Variants in CLVS1 observed in about 807,000 individuals in gnomAD.
The protein encoded by CLVS1 is clavesin-1.
CLVS1 carries 10 observed loss-of-function variants against 33.1 expected under a neutral mutation model. The observed-to-expected ratio is 0.30, with a 90% CI of 0.19 to 0.51. CLVS1 has a LOEUF of 0.51. Among genes scored for constraint, CLVS1 ranks in the 20% least tolerant of loss-of-function variants. The probability of loss-of-function intolerance (pLI) is 0.97; values close to 1 mark genes in which losing one functional copy is unlikely to be tolerated. For synonymous variants in CLVS1, 163 were observed against 166.1 expected (o/e 0.98, Z 0.14); for missense variants, 343 against 433.4 (o/e 0.79, Z 1.85).
chr8:61,010,255 A>G, the CLVS1 span, among the ~76,000 whole-genome samples: 1 of 152,156 alleles, frequency 6.6e-6, no homozygotes, highest in East Asian at 1.9e-4. Flanking sequence ...TCCTCCCCTG[A>G]GAGAGGCAGA....
chr8:60,981,891 GTGTCAGGC>G, the CLVS1 span, among the ~76,000 whole-genome samples: 1 of 152,244 alleles, frequency 6.6e-6, no homozygotes, highest in Non-Finnish European at 1.5e-5. Context: ...ATTAGATGGG[GTGTCAGGC>G]TGACTGTGAA....
chr8:61,267,642 C>T (rs1809338468), intron 2 of CLVS1, among the ~76,000 whole-genome samples: 1 of 152,142 alleles, frequency 6.6e-6, no homozygotes, highest in African/African-American at 2.4e-5. Flanking sequence ...CTTTCCATAC[C>T]AGTTCAGATT....
At chr8:61,049,486 A>C in the CLVS1 span, among the ~76,000 whole-genome samples, 1 of 152,234 alleles carries the variant, frequency 6.6e-6, no homozygotes, top group Non-Finnish European at 1.5e-5. Flanking sequence ...GAACTTCATC[A>C]ATTTGATTTG....
chr8:61,182,348 A>T (rs1807255263), intron 2 of CLVS1, among the ~76,000 whole-genome samples: 1 of 152,212 alleles, frequency 6.6e-6, no homozygotes, highest in South Asian at 2.1e-4. Context: ...AATTAAACTA[A>T]AGAGCTTCTG....
intron 4 of CLVS1, among the ~76,000 whole-genome samples, chr8:61,454,794 CATCA>C (rs1817088258): frequency 1.3e-5 from 2 of 152,188 alleles, no homozygotes; most frequent in Admixed American, 6.5e-5. Context: ...CAGCTTTTTC[CATCA>C]ATCAGAGTTG....
chr8:61,345,597 T>G (rs1812185831), intron 2 of CLVS1, among the ~76,000 whole-genome samples: 1 of 151,826 alleles, frequency 6.6e-6, no homozygotes, highest in South Asian at 2.1e-4. Flanking sequence ...CTCTTTTCTT[T>G]CTTCCTTGAT....
At chr8:61,247,205 C>T (rs956288255) in intron 2 of CLVS1, among the ~76,000 whole-genome samples, 1 of 152,162 alleles carries the variant, frequency 6.6e-6, no homozygotes, top group Non-Finnish European at 1.5e-5. Flanking sequence ...CATTGATGAG[C>T]ATTTAGGTTG....
chr8:61,159,765 C>T (rs116832919), intron 2 of CLVS1, among the ~76,000 whole-genome samples: 6,513 of 152,208 alleles, frequency 0.043, 277 homozygotes, highest in African/African-American at 0.11. Flanking sequence ...GAATGGCTGC[C>T]GTGACATCTC....
At chr8:61,333,106 T>C (rs1003342653) in intron 2 of CLVS1, among the ~76,000 whole-genome samples, 2 of 152,266 alleles carry the variant, frequency 1.3e-5, no homozygotes, top group Non-Finnish European at 2.9e-5. Context: ...CAAAGTTTTT[T>C]CCACTTCTTT....
intron 2 of CLVS1, among the ~76,000 whole-genome samples, chr8:61,239,498 C>T (rs921946378): frequency 6.6e-6 from 1 of 152,040 alleles, no homozygotes; most frequent in Non-Finnish European, 1.5e-5. Flanking sequence ...TTTGGGAGGC[C>T]GAGCTGGGAG....
chr8:61,239,044 T>C (rs1352071316), intron 2 of CLVS1, among the ~76,000 whole-genome samples: 4 of 152,254 alleles, frequency 2.6e-5, no homozygotes, highest in Non-Finnish European at 5.9e-5. Context: ...CTCTGCCACT[T>C]CAGCATTTTA....
intron 2 of CLVS1, among the ~76,000 whole-genome samples, chr8:61,220,138 G>T (rs1808178170): frequency 6.6e-6 from 1 of 152,052 alleles, no homozygotes; most frequent in Admixed American, 6.5e-5. Flanking sequence ...AATTTCTTTT[G>T]CTGTGCAGAA....
At chr8:61,174,258 T>G (rs1411101829) in intron 2 of CLVS1, among the ~76,000 whole-genome samples, 1 of 152,164 alleles carries the variant, frequency 6.6e-6, no homozygotes. Flanking sequence ...GAAAACTGTC[T>G]GCAAACCACA....
intron 2 of CLVS1, among the ~76,000 whole-genome samples, chr8:61,331,457 G>A (rs1811586577): frequency 6.7e-6 from 1 of 150,224 alleles, no homozygotes; most frequent in African/African-American, 2.5e-5. Flanking sequence ...ATTTTCCCTG[G>A]GCTTTATTAT....
At chr8:61,482,059 C>G (rs1563574042) in intron 5 of CLVS1, among the ~76,000 whole-genome samples, 3 of 152,346 alleles carry the variant, frequency 2.0e-5, no homozygotes, top group Admixed American at 6.5e-5. Context: ...TATTGTGCAG[C>G]CTCCACTGGT....
chr8:61,347,914 T>C (rs1332165323), intron 2 of CLVS1, among the ~76,000 whole-genome samples: 1 of 151,680 alleles, frequency 6.6e-6, no homozygotes, highest in East Asian at 2.0e-4. Flanking sequence ...GGTTCCCTTT[T>C]CTCCATATTC....
chr8:61,494,985 T>G (rs1022497041), intron 5 of CLVS1, among the ~76,000 whole-genome samples: 3 of 152,170 alleles, frequency 2.0e-5, no homozygotes, highest in Non-Finnish European at 4.4e-5. Context: ...CCTCACTATC[T>G]CAGAGTTGTC....
chr8:60,969,516 C>T, the CLVS1 span, among the ~76,000 whole-genome samples: 1 of 152,140 alleles, frequency 6.6e-6, no homozygotes, highest in Non-Finnish European at 1.5e-5. Context: ...TGTGTCTAAA[C>T]CGTAAAAGAA....
intron 3 of CLVS1, among the ~76,000 whole-genome samples, chr8:61,440,172 C>T (rs918234227): frequency 5.9e-5 from 9 of 152,176 alleles, no homozygotes. Context: ...ATTGCTGCAC[C>T]TCCTGCATTT....
Sources: allele counts gnomAD v4.1 joint callset (sites outside exome capture counted in the v4.1 genomes callset), GRCh38; gene constraint gnomAD v4.1.1; transcripts MANE v1.5; gene names NCBI Gene and HGNC (gene_info 2026-07-23, HGNC 2026-07-21).